TDRD9: variants seen among roughly 807,000 people sequenced by gnomAD.
TDRD9 encodes the protein ATP-dependent RNA helicase TDRD9.
In TDRD9, 124 loss-of-function variants were observed where a neutral mutation model predicts 172.6. The observed-to-expected ratio is 0.72, with a 90% CI of 0.62 to 0.83. The LOEUF is 0.83. Among genes scored for constraint, TDRD9 ranks in the 40% least tolerant of loss-of-function variants. The probability of loss-of-function intolerance (pLI) is 0.00; values close to 1 mark genes in which losing one functional copy is unlikely to be tolerated. For synonymous variants in TDRD9, 619 were observed against 617.1 expected (o/e 1.00, Z -0.05); for missense variants, 1,479 against 1,714.1 (o/e 0.86, Z 2.42).
intron 13 of TDRD9, 128 bp downstream of exon 13, chr14:103,998,856 G>A (rs1323167346): frequency 5.1e-5 from 28 of 551,358 alleles, no homozygotes; most frequent in South Asian, 4.9e-4. Context: ...GCAGTGGCGC[G>A]ATCTCGGTTC....
chr14:103,999,642 G>GTCATTTAATCTTTTAATCTTTCT (rs2034185928), intron 13 of TDRD9, among the ~76,000 whole-genome samples: 1 of 125,956 alleles, frequency 7.9e-6, no homozygotes, highest in Non-Finnish European at 1.7e-5. Flanking sequence ...TTGTTTTTTA[G>GTCATTTAATCTTTTAATCTTTCT]AAAACCTTTT....
At chr14:103,933,759 C>G (rs2030559782) in intron 1 of TDRD9, among the ~76,000 whole-genome samples, 1 of 152,146 alleles carries the variant, frequency 6.6e-6, no homozygotes, top group Admixed American at 6.5e-5. Context: ...AGTTGAATGC[C>G]TGCTGTATTG....
intron 11 of TDRD9, 136 bp from the exon 12 acceptor site, chr14:103,995,614 A>T: frequency 2.7e-6 from 2 of 729,486 alleles, no homozygotes; most frequent in Non-Finnish European, 4.3e-6. Flanking sequence ...TAAAATAGAA[A>T]AATGGCTAAT....
intron 13 of TDRD9, among the ~76,000 whole-genome samples, chr14:104,002,713 AC>A (rs1376230408): frequency 6.8e-6 from 1 of 146,490 alleles, no homozygotes; most frequent in Admixed American, 6.9e-5. Flanking sequence ...CTTTAGGCTA[AC>A]CTTTTTTCTT....
At chr14:103,967,200 T>C (rs371724287) in intron 5 of TDRD9, among the ~76,000 whole-genome samples, 1 of 151,826 alleles carries the variant, frequency 6.6e-6, no homozygotes, top group African/African-American at 2.4e-5. Context: ...GTAGGGTGTT[T>C]AATAGAGTCT....
intron 9 of TDRD9, among the ~76,000 whole-genome samples, chr14:103,993,534 A>G (rs1338810795): frequency 6.6e-6 from 1 of 152,132 alleles, no homozygotes; most frequent in South Asian, 2.1e-4. Flanking sequence ...TGGAGGCTAG[A>G]TGTTCAAAAT....
At chr14:103,990,289 GAGGAGCAGC>G (rs2033819694) in intron 8 of TDRD9, among the ~76,000 whole-genome samples, 1 of 152,246 alleles carries the variant, frequency 6.6e-6, no homozygotes, top group African/African-American at 2.4e-5. Flanking sequence ...GGGAGAGATG[GAGGAGCAGC>G]AGGAGCAGTG....
intron 7 of TDRD9, among the ~76,000 whole-genome samples, chr14:103,983,508 A>G (rs1262756992): frequency 6.6e-6 from 1 of 152,178 alleles, no homozygotes; most frequent in Admixed American, 6.5e-5. Flanking sequence ...ATCAGATGCA[A>G]TATTCTGCAC....
At chr14:103,952,145 T>C (rs1043208777) in intron 1 of TDRD9, among the ~76,000 whole-genome samples, 1 of 141,964 alleles carries the variant, frequency 7.0e-6, no homozygotes, top group Non-Finnish European at 1.5e-5. Context: ...TATATATATA[T>C]GTATATACGT....
rs561593026 is a variant in TDRD9, at chr14:104,004,567, A to G, written c.1581+232A>G. 2.0e-5 allele frequency among the ~76,000 whole-genome samples: 3 copies of G among 152,128 alleles called. No homozygotes were observed. The South Asian group carries it at 6.2e-4, about 32-fold the overall frequency. On this transcript the variant is annotated intron_variant, in intron 14 of 35. Coordinates refer to ENST00000409874, the MANE Select transcript of TDRD9 (RefSeq NM_153046.3). ...CTAATTTTTTGTATTTTTAGTAGAG[A>G]CAGGGTTTCACTGTGTTGGCCAGAC...
rs761252325 is a variant in TDRD9, at chr14:104,026,696, T to G, written c.3039T>G (p.Ile1013Met). 1.9e-6 allele frequency: 3 copies of G among 1,613,890 alleles called. No homozygotes were observed. The South Asian group carries it at 3.3e-5, about 18-fold the overall frequency. ...CCTTGTAGGCTTTGGAATTTAAGAT[T>G]TGCAAAATGAGACCATCAGCAAAGT... ...ELPFQALEFK[I>M]CKMRPSAKSL... The change falls in exon 28 of 36, where the codon ATT becomes ATG. Residue 1013 changes from isoleucine (I) to methionine (M), a missense_variant. Physicochemically the swap from Ile to Met is conservative, Grantham distance 10 (BLOSUM62 1). Transcript: ENST00000409874.
chr14:103,978,975 A>G (rs1234898005), intron 7 of TDRD9, among the ~76,000 whole-genome samples: 1 of 152,136 alleles, frequency 6.6e-6, no homozygotes, highest in Admixed American at 6.6e-5. Context: ...TGTTATCTGT[A>G]GAACACTGGA....
chr14:104,021,268 C>G (rs1253397881), intron 23 of TDRD9, among the ~76,000 whole-genome samples: 1 of 152,124 alleles, frequency 6.6e-6, no homozygotes, highest in Non-Finnish European at 1.5e-5. Flanking sequence ...AATCCGGTCA[C>G]CTCCCACCAG....
At chr14:104,024,897 A>G (rs991225663) in intron 25 of TDRD9, among the ~76,000 whole-genome samples, 17 of 152,248 alleles carry the variant, frequency 1.1e-4, no homozygotes, top group African/African-American at 4.1e-4. Context: ...TACTTATTCT[A>G]GAATCAAAGT....
At chr14:104,031,045 A>C (rs565323590) in intron 28 of TDRD9, 63 bp from the exon 29 acceptor site, 6 of 1,400,466 alleles carry the variant, frequency 4.3e-6, no homozygotes, top group Non-Finnish European at 5.8e-6. Flanking sequence ...TATTTTGATT[A>C]GTTTGGAAGA....
intron 1 of TDRD9, among the ~76,000 whole-genome samples, chr14:103,948,781 G>A (rs1051692201): frequency 3.3e-5 from 5 of 150,882 alleles, no homozygotes; most frequent in African/African-American, 1.2e-4. Context: ...TGAGATGGGA[G>A]GATTGCATGA....
chr14:103,978,391 A>G (rs564906647), intron 7 of TDRD9, among the ~76,000 whole-genome samples: 2 of 152,330 alleles, frequency 1.3e-5, no homozygotes, highest in Non-Finnish European at 2.9e-5. Context: ...GAAAGAAAGC[A>G]TAGGGAAAAT....
At chr14:103,988,671 A>G (rs919231860) in intron 8 of TDRD9, among the ~76,000 whole-genome samples, 5 of 147,128 alleles carry the variant, frequency 3.4e-5, no homozygotes, top group African/African-American at 1.2e-4. Context: ...CATTTAACAC[A>G]TATTTTGCAG....
At chr14:104,006,992 C>A in intron 18 of TDRD9, 147 bp downstream of exon 18, 1 of 977,622 alleles carries the variant, frequency 1.0e-6, no homozygotes, top group Non-Finnish European at 1.5e-6. Context: ...TTAAATTAAC[C>A]GTGCTGGAAG....
Sources: allele counts gnomAD v4.1 joint callset (sites outside exome capture counted in the v4.1 genomes callset), GRCh38; gene constraint gnomAD v4.1.1; transcripts MANE v1.5; gene names NCBI Gene and HGNC (gene_info 2026-07-23, HGNC 2026-07-21).